Variants in FSHR observed in about 807,000 individuals in gnomAD.
The protein encoded by FSHR is follicle-stimulating hormone receptor.
Under a neutral mutation model 52.1 loss-of-function variants are expected in FSHR, and 46 were observed. The observed-to-expected ratio is 0.88, with a 90% CI of 0.70 to 1.13. The LOEUF (loss-of-function observed/expected upper bound fraction) is 1.13, where lower values mean the gene tolerates loss of function less well. Ranked by LOEUF, FSHR falls within the 50% of genes most tolerant of loss-of-function variation. FSHR has a pLI of 0.00. For missense variants in FSHR, 964 were observed against 834.6 expected, an observed-to-expected ratio of 1.16 and a Z score of -1.91; for synonymous variants, 399 against 309.6, an observed-to-expected ratio of 1.29 and a Z score of -3.03.
chr2:49,121,775 C>G (rs1007592640), intron 1 of FSHR, among the ~76,000 whole-genome samples: 1 of 149,778 alleles, frequency 6.7e-6, no homozygotes, highest in Non-Finnish European at 1.5e-5. Context: ...GTCCCTGAGT[C>G]TTTCATTTTT....
chr2:48,986,022 C>T (rs1675496184), intron 6 of FSHR, among the ~76,000 whole-genome samples: 3 of 152,158 alleles, frequency 2.0e-5, no homozygotes, highest in African/African-American at 7.2e-5. Flanking sequence ...CGCATGTACA[C>T]GTTTTTTACA....
rs143745944 is a variant in FSHR, at chr2:49,060,819, C to G, written c.224+7400G>C. Among the ~76,000 whole-genome samples the G allele has an allele frequency of 2.9e-3, 436 of 152,204 alleles. 4 individuals are homozygous for G. The highest frequency in any genetic ancestry group is 8.9e-3 in the African/African-American group (368 of 41,530). ...GCAGTCATCCATGTACCCACTCCCC[C>G]CCGGCCCAAACTAGAGCTGTGCTTT... On this transcript the variant is annotated intron_variant, in intron 2 of 9. Transcript: ENST00000406846.
At chr2:49,110,453 G>A (rs1558446704) in intron 1 of FSHR, among the ~76,000 whole-genome samples, 1 of 152,044 alleles carries the variant, frequency 6.6e-6, no homozygotes, top group Non-Finnish European at 1.5e-5. Context: ...ATTTCTAGGT[G>A]GGGATACTAC....
chr2:49,046,958 C>G (rs988513702), intron 2 of FSHR, among the ~76,000 whole-genome samples: 1 of 152,154 alleles, frequency 6.6e-6, no homozygotes, highest in Non-Finnish European at 1.5e-5. Flanking sequence ...ACTCTGTGAA[C>G]CTTGATAAAT....
chr2:48,971,981 C>A, intron 8 of FSHR, among the ~76,000 whole-genome samples: 1 of 152,192 alleles, frequency 6.6e-6, no homozygotes. Flanking sequence ...AGTCTTATGA[C>A]ATAAACACAA....
At chr2:49,104,786 T>A (rs963733353) in intron 1 of FSHR, among the ~76,000 whole-genome samples, 3 of 131,526 alleles carry the variant, frequency 2.3e-5, no homozygotes, top group Non-Finnish European at 4.7e-5. Context: ...GTCAGCCCCA[T>A]CCCAGCCCAG....
Position 48,967,245 on chromosome 2 carries a change from G to A in FSHR, c.854+1453C>T, listed in dbSNP as rs138137375. ...CGAGTAGGTGGGACTACAGGCATGC[G>A]CCACCACACATGGCTAATTTTGTTC... On this transcript the variant is annotated intron_variant, in intron 9 of 9. Transcript: ENST00000406846. 2.5e-3 allele frequency among the ~76,000 whole-genome samples: 376 copies of A among 152,136 alleles called. 11 individuals carry two copies. In the East Asian group the frequency reaches 0.041, roughly 17 times the overall value.
chr2:49,087,490 T>C (rs1670444305), intron 1 of FSHR, among the ~76,000 whole-genome samples: 1 of 152,106 alleles, frequency 6.6e-6, no homozygotes, highest in African/African-American at 2.4e-5. Flanking sequence ...CCTGAGGACA[T>C]ATGATAAAAA....
intron 4 of FSHR, among the ~76,000 whole-genome samples, chr2:48,993,724 C>T (rs866412933): frequency 5.3e-5 from 8 of 152,122 alleles, no homozygotes; most frequent in Admixed American, 1.3e-4. Flanking sequence ...TTCCCCAGTG[C>T]GTTTTAGCCC....
At chr2:49,009,543 GT>G (rs1456728275) in intron 4 of FSHR, among the ~76,000 whole-genome samples, 1 of 135,674 alleles carries the variant, frequency 7.4e-6, no homozygotes, top group African/African-American at 2.7e-5. Flanking sequence ...CTTTAAAGTA[GT>G]TTTTTCCAAT....
At chr2:49,025,842 G>C (rs909193833) in intron 2 of FSHR, among the ~76,000 whole-genome samples, 1 of 152,182 alleles carries the variant, frequency 6.6e-6, no homozygotes, top group African/African-American at 2.4e-5. Context: ...TGGCTATCTG[G>C]TCTGCTGACC....
intron 1 of FSHR, among the ~76,000 whole-genome samples, chr2:49,080,566 G>A (rs1484557985): frequency 6.6e-6 from 1 of 152,188 alleles, no homozygotes; most frequent in African/African-American, 2.4e-5. Flanking sequence ...AAAGTATAAT[G>A]TTGAGAGCAA....
chr2:49,030,253 T>C (rs1668052639), intron 2 of FSHR, among the ~76,000 whole-genome samples: 1 of 149,706 alleles, frequency 6.7e-6, no homozygotes, highest in Non-Finnish European at 1.5e-5. Context: ...CTTGAGGCTC[T>C]TTGCTAAAGG....
rs1674356086 is a variant in FSHR, at chr2:48,963,905, G to A, written c.916C>T (p.Gln306Ter). The change falls in exon 10 of 10, where the codon CAG becomes TAG. Residue 306 changes from glutamine to a stop codon, truncating the protein, a stop_gained. Transcript: ENST00000406846. LOFTEE classifies it high-confidence loss of function. ...AGAGAGGATCTCTGACCCCTAGCCT[G>A]AGTCATATAATCAACTTCTTGCCTT... ...ILRQEVDYMT[Q>*]ARGQRSSLAE... 2 of 1,613,856 alleles carry A rather than the reference G, an allele frequency of 1.2e-6. No individual in the cohort carries two copies. Among genetic ancestry groups the A allele is most frequent in the South Asian group, 2.2e-5 (2 of 91,066 alleles).
At chr2:48,993,917 C>G (rs1288631762) in intron 4 of FSHR, among the ~76,000 whole-genome samples, 1 of 152,158 alleles carries the variant, frequency 6.6e-6, no homozygotes, top group East Asian at 1.9e-4. Flanking sequence ...AAACTAAATT[C>G]TGGCCCCTGA....
chr2:49,092,831 A>AT (rs1192857971), intron 1 of FSHR, among the ~76,000 whole-genome samples: 6 of 151,700 alleles, frequency 4.0e-5, no homozygotes, highest in African/African-American at 1.5e-4. Context: ...ATGCGCAGCT[A>AT]TTTTTTCTAT....
intron 1 of FSHR, among the ~76,000 whole-genome samples, chr2:49,079,061 T>G (rs993027239): frequency 6.6e-6 from 1 of 152,146 alleles, no homozygotes; most frequent in Non-Finnish European, 1.5e-5. Context: ...AAAGTCTAGT[T>G]AGATAGCTGG....
At chr2:49,143,637 C>T (rs1672770968) in intron 1 of FSHR, among the ~76,000 whole-genome samples, 1 of 151,964 alleles carries the variant, frequency 6.6e-6, no homozygotes, top group African/African-American at 2.4e-5. Flanking sequence ...ATGAATAAAG[C>T]AACAAGGACA....
At chr2:49,054,349 G>T (rs1668977063) in intron 2 of FSHR, among the ~76,000 whole-genome samples, 2 of 152,040 alleles carry the variant, frequency 1.3e-5, no homozygotes. Context: ...AAGCAACCTT[G>T]CACCCACATC....
Sources: allele counts gnomAD v4.1 joint callset (sites outside exome capture counted in the v4.1 genomes callset), GRCh38; gene constraint gnomAD v4.1.1; transcripts MANE v1.5; gene names NCBI Gene and HGNC (gene_info 2026-07-23, HGNC 2026-07-21).